Variants in FSTL5 observed in about 807,000 individuals in gnomAD.
The protein encoded by FSTL5 is follistatin like 5.
Under a neutral mutation model 89.1 loss-of-function variants are expected in FSTL5, and 62 were observed. The ratio of observed to expected loss-of-function variants is 0.70; its 90% CI spans 0.57 to 0.86. The LOEUF (loss-of-function observed/expected upper bound fraction) is 0.86, where lower values mean the gene tolerates loss of function less well. Ranked by LOEUF, FSTL5 falls within the 40% of genes least tolerant of loss-of-function variation. The pLI is 0.00. For synonymous variants in FSTL5, 383 were observed against 346.2 expected (o/e 1.11, Z -1.18); for missense variants, 1,057 against 1,001.6 (o/e 1.06, Z -0.75).
At chr4:161,812,039 G>T (rs1432732281) in intron 4 of FSTL5, among the ~76,000 whole-genome samples, 6 of 152,084 alleles carry the variant, frequency 3.9e-5, no homozygotes, top group Admixed American at 6.5e-5. Flanking sequence ...AAATATTAAT[G>T]AGAGATATTT....
At chr4:161,513,961 A>T (rs897175471) in intron 10 of FSTL5, among the ~76,000 whole-genome samples, 6 of 152,136 alleles carry the variant, frequency 3.9e-5, no homozygotes, top group Non-Finnish European at 8.8e-5. Flanking sequence ...AACAAATCTG[A>T]ACATGAACCC....
chr4:162,103,529 T>C (rs1731086097), intron 2 of FSTL5, among the ~76,000 whole-genome samples: 1 of 152,242 alleles, frequency 6.6e-6, no homozygotes, highest in African/African-American at 2.4e-5. Flanking sequence ...GCAGAGATAG[T>C]AACCTCCATT....
chr4:161,846,623 CATT>C (rs1731378226), intron 4 of FSTL5, among the ~76,000 whole-genome samples: 1 of 152,090 alleles, frequency 6.6e-6, no homozygotes, highest in African/African-American at 2.4e-5. Context: ...ATTTTATTCT[CATT>C]GTTTCATTTT....
chr4:161,937,446 G>A (rs1183360788), intron 3 of FSTL5, among the ~76,000 whole-genome samples: 2 of 152,036 alleles, frequency 1.3e-5, no homozygotes, highest in Admixed American at 1.3e-4. Context: ...ACAGTAAAAT[G>A]AATTAGAATA....
At chr4:162,090,786 T>C (rs976250555) in intron 2 of FSTL5, among the ~76,000 whole-genome samples, 1 of 151,796 alleles carries the variant, frequency 6.6e-6, no homozygotes, top group Admixed American at 6.6e-5. Context: ...GCCACTGCAC[T>C]CCAACCAGAG....
intron 4 of FSTL5, among the ~76,000 whole-genome samples, chr4:161,785,857 T>A (rs1275324140): frequency 6.6e-6 from 1 of 152,128 alleles, no homozygotes; most frequent in East Asian, 1.9e-4. Flanking sequence ...TTTTTTCTTG[T>A]CAATGAATGT....
At chr4:162,119,104 C>T (rs554708480) in intron 1 of FSTL5, among the ~76,000 whole-genome samples, 3 of 151,974 alleles carry the variant, frequency 2.0e-5, no homozygotes, top group East Asian at 1.9e-4. Context: ...CACCTATAGT[C>T]GTAGCTACTC....
At chr4:161,655,408 C>T (rs577872468) in intron 7 of FSTL5, among the ~76,000 whole-genome samples, 1 of 152,112 alleles carries the variant, frequency 6.6e-6, no homozygotes, top group East Asian at 1.9e-4. Context: ...CACATGACCC[C>T]AGATTGACCA....
chr4:161,802,194 G>A (rs1244271042), intron 4 of FSTL5, among the ~76,000 whole-genome samples: 1 of 151,670 alleles, frequency 6.6e-6, no homozygotes, highest in Non-Finnish European at 1.5e-5. Flanking sequence ...TGTTGCTTCA[G>A]TTATGTCTAA....
chr4:161,936,077 G>A (rs1017201385), intron 3 of FSTL5, among the ~76,000 whole-genome samples: 16 of 152,080 alleles, frequency 1.1e-4, no homozygotes, highest in African/African-American at 3.9e-4. Context: ...CTACTCAAAA[G>A]GCTGAGGCAT....
At chr4:161,568,269 C>G (rs1014467599) in intron 8 of FSTL5, among the ~76,000 whole-genome samples, 1 of 152,088 alleles carries the variant, frequency 6.6e-6, no homozygotes, top group African/African-American at 2.4e-5. Flanking sequence ...GAGTGGTGTT[C>G]TTTACCGATC....
At chr4:162,070,169 T>C (rs1729550650) in intron 2 of FSTL5, among the ~76,000 whole-genome samples, 1 of 151,924 alleles carries the variant, frequency 6.6e-6, no homozygotes. Context: ...AATAAATGAC[T>C]ATGCAGATCC....
chr4:161,822,839 C>T (rs928334071), intron 4 of FSTL5, among the ~76,000 whole-genome samples: 1 of 152,224 alleles, frequency 6.6e-6, no homozygotes, highest in Non-Finnish European at 1.5e-5. Flanking sequence ...AGAAGTTTCA[C>T]TGAATGACAG....
chr4:161,843,293 A>T (rs1731267468), intron 4 of FSTL5, among the ~76,000 whole-genome samples: 1 of 152,130 alleles, frequency 6.6e-6, no homozygotes, highest in Non-Finnish European at 1.5e-5. Flanking sequence ...TTTTCTAATT[A>T]TTTGAAGAAA....
At chr4:161,874,122 T>C (rs1303235682) in intron 4 of FSTL5, among the ~76,000 whole-genome samples, 1 of 152,130 alleles carries the variant, frequency 6.6e-6, no homozygotes, top group Admixed American at 6.5e-5. Context: ...TACAAACTTA[T>C]GTTCTAAAGG....
chr4:161,939,295 C>A (rs75202659), intron 3 of FSTL5, among the ~76,000 whole-genome samples: 7 of 151,626 alleles, frequency 4.6e-5, no homozygotes, highest in African/African-American at 1.7e-4. Flanking sequence ...GAACAGTGAG[C>A]AAAAAATATA....
At chr4:161,617,901 A>C (rs1439458215) in intron 7 of FSTL5, among the ~76,000 whole-genome samples, 1 of 152,164 alleles carries the variant, frequency 6.6e-6, no homozygotes, top group Non-Finnish European at 1.5e-5. Flanking sequence ...TGAATCTATA[A>C]ATTACCTTGG....
At chr4:161,934,626 G>A (rs62331240) in intron 3 of FSTL5, among the ~76,000 whole-genome samples, 1 of 151,136 alleles carries the variant, frequency 6.6e-6, no homozygotes. Context: ...GTTTTTTTTC[G>A]TTCTTTCTTT....
chr4:161,644,996 G>A (rs567230127), intron 7 of FSTL5, among the ~76,000 whole-genome samples: 14 of 152,148 alleles, frequency 9.2e-5, no homozygotes, highest in Non-Finnish European at 1.6e-4. Context: ...CTATACCTAC[G>A]TTAACTAAGA....
Sources: allele counts gnomAD v4.1 joint callset (sites outside exome capture counted in the v4.1 genomes callset), GRCh38; gene constraint gnomAD v4.1.1; transcripts MANE v1.5; gene names NCBI Gene and HGNC (gene_info 2026-07-23, HGNC 2026-07-21).